Variants in KCTD1 observed in about 807,000 individuals in gnomAD.
KCTD1 encodes the protein BTB/POZ domain-containing protein KCTD1.
Under a neutral mutation model 66.0 loss-of-function variants are expected in KCTD1, and 24 were observed. The ratio of observed to expected loss-of-function variants is 0.36; its 90% confidence interval spans 0.26 to 0.51. The LOEUF (loss-of-function observed/expected upper bound fraction) is 0.51, where lower values mean the gene tolerates loss of function less well. Ranked by LOEUF, KCTD1 falls within the 20% of genes least tolerant of loss-of-function variation. The probability of loss-of-function intolerance (pLI) is 0.95; values close to 1 mark genes in which losing one functional copy is unlikely to be tolerated. For synonymous variants in KCTD1, 511 were observed against 517.2 expected (o/e 0.99, Z 0.16); for missense variants, 943 against 1,205.2 (o/e 0.78, Z 3.22).
intron 1 of KCTD1, among the ~76,000 whole-genome samples, chr18:26,514,255 G>A (rs548365558): frequency 6.6e-6 from 1 of 152,204 alleles, no homozygotes; most frequent in African/African-American, 2.4e-5. Flanking sequence ...ATTTTTAAAG[G>A]TGTGGGGGAG....
intron 1 of KCTD1, among the ~76,000 whole-genome samples, chr18:26,514,834 T>C (rs1003318557): frequency 2.6e-5 from 4 of 152,334 alleles, no homozygotes; most frequent in African/African-American, 9.6e-5. Flanking sequence ...CTGCCAGACC[T>C]GGTATTAGCA....
upstream of KCTD1, among the ~76,000 whole-genome samples, chr18:26,630,372 T>G (rs1987593027): frequency 6.6e-6 from 1 of 152,182 alleles, no homozygotes; most frequent in Non-Finnish European, 1.5e-5. Flanking sequence ...CTGGAGTACA[T>G]TGGCACAATG....
intron 1 of KCTD1, among the ~76,000 whole-genome samples, chr18:26,517,938 G>C (rs1289647758): frequency 6.6e-6 from 1 of 152,228 alleles, no homozygotes; most frequent in African/African-American, 2.4e-5. Context: ...AGAGTGGGTG[G>C]GGTGGGGTCC....
At chr18:26,629,843 G>A (rs1195205079), upstream of KCTD1, among the ~76,000 whole-genome samples, 1 of 151,694 alleles carries the variant, frequency 6.6e-6, no homozygotes, top group East Asian at 1.9e-4. Context: ...TCAGCCTCCT[G>A]AGTAGCTGGG....
At chr18:26,456,151 GC>G (rs1352737364) in intron 4 of KCTD1, 1 of 370,112 alleles carries the variant, frequency 2.7e-6, no homozygotes, top group Non-Finnish European at 4.8e-6. Flanking sequence ...ATGGTGTTAG[GC>G]CCATTTTATA....
At position 26,461,594 on chromosome 18, in the gene KCTD1, T is replaced by G. The variant is rs542358644; in HGVS notation, c.2134-1669A>C. ...CCTGAGGGGTAGGAGTGGGGAAGCC[T>G]CTGCAGGTTCCTCCTGGTTCTACCT... On this transcript the variant is annotated intron_variant, in intron 3 of 4. Transcript: ENST00000580059. Among the ~76,000 whole-genome samples the G allele has an allele frequency of 1.9e-4, 29 of 152,316 alleles. No individual in the cohort carries two copies. In the East Asian group the frequency reaches 5.0e-3, roughly 26 times the overall value.
At chr18:26,523,978 G>A (rs1984037862) in intron 1 of KCTD1, among the ~76,000 whole-genome samples, 1 of 152,230 alleles carries the variant, frequency 6.6e-6, no homozygotes, top group Non-Finnish European at 1.5e-5. Context: ...GTCTCAGAAC[G>A]GCTCAGCAGT....
At chr18:26,464,161 T>C (rs1245152323) in intron 3 of KCTD1, among the ~76,000 whole-genome samples, 1 of 152,256 alleles carries the variant, frequency 6.6e-6, no homozygotes, top group Non-Finnish European at 1.5e-5. Context: ...CTTACAGTTC[T>C]TCAGGTCAGA....
chr18:26,607,615 T>C (rs1240187418), intron 1 of KCTD1, among the ~76,000 whole-genome samples: 1 of 152,258 alleles, frequency 6.6e-6, no homozygotes, highest in African/African-American at 2.4e-5. Context: ...CAAATTTCAG[T>C]CACTGATCAC....
chr18:26,585,655 T>C (rs1467141764), intron 1 of KCTD1, among the ~76,000 whole-genome samples: 1 of 152,230 alleles, frequency 6.6e-6, no homozygotes, highest in African/African-American at 2.4e-5. Context: ...AGAGAATTAA[T>C]TATATATTTT....
At chr18:26,649,670 G>A (rs1424546338) in intron 1 of KCTD1, among the ~76,000 whole-genome samples, 3 of 152,052 alleles carry the variant, frequency 2.0e-5, no homozygotes, top group East Asian at 1.9e-4. Flanking sequence ...CACCACGCCC[G>A]GCTAATTTTT....
intron 3 of KCTD1, among the ~76,000 whole-genome samples, chr18:26,475,373 T>C (rs1369961520): frequency 6.6e-6 from 1 of 152,174 alleles, no homozygotes; most frequent in Non-Finnish European, 1.5e-5. Context: ...AATATTGAGG[T>C]TTCCCATCCA....
At chr18:26,614,092 C>T (rs1598967119) in intron 1 of KCTD1, among the ~76,000 whole-genome samples, 1 of 152,352 alleles carries the variant, frequency 6.6e-6, no homozygotes, top group East Asian at 1.9e-4. Context: ...AATATCTACA[C>T]ATATACGTTG....
At chr18:26,550,682 G>T (rs542848279), upstream of KCTD1, among the ~76,000 whole-genome samples, 12 of 152,280 alleles carry the variant, frequency 7.9e-5, no homozygotes, top group East Asian at 2.3e-3. This position sits in a 1 kb window ranked among gnomAD's most constrained non-coding sequence, Gnocchi z 5.4. Flanking sequence ...GAGGTGGCCG[G>T]CTTTGTTCAC....
At chr18:26,575,713 T>C (rs1986210163) in intron 1 of KCTD1, 1 of 152,232 alleles carries the variant, frequency 6.6e-6, no homozygotes, top group African/African-American at 2.4e-5. Flanking sequence ...ATTTAGGTTG[T>C]GCTTTTCATA....
intron 1 of KCTD1, among the ~76,000 whole-genome samples, chr18:26,518,359 T>C (rs1055803375): frequency 2.0e-5 from 3 of 152,100 alleles, no homozygotes; most frequent in Non-Finnish European, 2.9e-5. Flanking sequence ...GTCTGCCTCC[T>C]GGGTTCAAGC....
At chr18:26,588,804 C>A (rs1256194471) in intron 1 of KCTD1, among the ~76,000 whole-genome samples, 1 of 152,196 alleles carries the variant, frequency 6.6e-6, no homozygotes, top group Non-Finnish European at 1.5e-5. Flanking sequence ...GAGACATCAT[C>A]CAATCCATTG....
At chr18:26,599,945 A>T in intron 1 of KCTD1, 1 of 1,595,852 alleles carries the variant, frequency 6.3e-7, no homozygotes, top group Non-Finnish European at 8.6e-7. Context: ...ATCACCAAGA[A>T]GTCTTCTCCT....
chr18:26,655,204 A>C (rs113116562), intron 1 of KCTD1, among the ~76,000 whole-genome samples: 3 of 152,352 alleles, frequency 2.0e-5, no homozygotes, highest in African/African-American at 7.2e-5. Flanking sequence ...TCTCTAAAAA[A>C]ACGCACACAT....
Sources: gnomAD v4.1 joint callset for allele counts (sites outside exome capture counted in the v4.1 genomes callset) on GRCh38, gnomAD v4.1.1 for gene constraint, Gnocchi (gnomAD v3.1) non-coding constraint, MANE v1.5 for transcripts, NCBI Gene and HGNC (gene_info 2026-07-23, HGNC 2026-07-21) for gene names.